HS6ST2: variants seen among roughly 807,000 people sequenced by gnomAD.
HS6ST2 encodes heparan-sulfate 6-O-sulfotransferase 2.
A neutral mutation model predicts 33.0 loss-of-function variants in HS6ST2; 17 were observed. That is an observed-to-expected ratio of 0.52 (90% CI 0.35 to 0.77). The LOEUF is 0.77. Among genes scored for constraint, HS6ST2 ranks in the 30% least tolerant of loss-of-function variants. HS6ST2 has a pLI of 0.01. For synonymous variants in HS6ST2, 248 were observed against 237.1 expected (o/e 1.05, Z -0.42); for missense variants, 519 against 551.7 (o/e 0.94, Z 0.59).
intron 2 of HS6ST2, among the ~76,000 whole-genome samples, chrX:132,801,245 G>A (rs896604481): frequency 9.1e-6 from 1 of 109,442 alleles, no homozygotes; most frequent in Non-Finnish European, 1.9e-5. Context: ...GCAGTGAGTC[G>A]AGATCGCGTC....
intron 2 of HS6ST2, among the ~76,000 whole-genome samples, chrX:132,811,623 C>T (rs966092510): frequency 3.2e-5 from 3 of 94,549 alleles, no homozygotes; most frequent in Admixed American, 1.2e-4. Flanking sequence ...TTCACCCATC[C>T]GTCACTTACC....
At chrX:132,810,092 A>G (rs1240107107) in intron 2 of HS6ST2, among the ~76,000 whole-genome samples, 1 of 111,684 alleles carries the variant, frequency 9.0e-6, no homozygotes, top group Admixed American at 9.5e-5. Context: ...TTCTGAAAAT[A>G]TTAAGGGATA....
At chrX:132,889,063 G>A (rs1339052583) in intron 2 of HS6ST2, among the ~76,000 whole-genome samples, 2 of 110,626 alleles carry the variant, frequency 1.8e-5, no homozygotes. Flanking sequence ...GCAGACCCAG[G>A]ATTTCAGCGT....
intron 2 of HS6ST2, among the ~76,000 whole-genome samples, chrX:132,727,234 A>AT (rs1233255197): frequency 3.5e-5 from 3 of 86,558 alleles, no homozygotes; most frequent in African/African-American, 1.4e-4. Context: ...TACTAGCATT[A>AT]TTGGGGGGGG....
chrX:132,861,354 T>C (rs189260591), intron 2 of HS6ST2, among the ~76,000 whole-genome samples: 10 of 112,209 alleles, frequency 8.9e-5, no homozygotes, highest in Admixed American at 3.8e-4. Context: ...CATTATTTAA[T>C]ATATGGCCTT....
chrX:132,715,204 G>A, intron 2 of HS6ST2, among the ~76,000 whole-genome samples: 1 of 111,566 alleles, frequency 9.0e-6, no homozygotes, highest in Non-Finnish European at 1.9e-5. Context: ...GGAAGCCAAG[G>A]TGGGAGGAAC....
At chrX:132,862,575 C>T (rs944294555) in intron 2 of HS6ST2, among the ~76,000 whole-genome samples, 1 of 112,387 alleles carries the variant, frequency 8.9e-6, no homozygotes, top group African/African-American at 3.2e-5. Flanking sequence ...ACTGGCCACA[C>T]TAGCTATTTA....
Position 132,956,856 on chromosome X carries a change from A to T in HS6ST2, c.899T>A (p.Val300Glu). The change falls in exon 2 of 5, where the codon GTG (valine) becomes GAG (glutamate). Residue 300 changes from valine (V) to glutamate (E), a missense_variant. Physicochemically the swap from Val to Glu is moderately radical, Grantham distance 121. Transcript: ENST00000370833. ...HADWTELTSC[V>E]PSVVDGKRDA... ...GCGCTTGCCGTCCACCACGGAGGGC[A>T]CACAGCTGGTGAGCTCGGTCCAGTC... is the stretch of plus-strand genomic sequence containing the variant. 1 of 1,184,906 alleles carries T rather than the reference A, an allele frequency of 8.4e-7. No individual in the cohort carries two copies. The highest frequency in any genetic ancestry group is 1.1e-6 in the Non-Finnish European group (1 of 881,835).
At chrX:132,821,195 C>A (rs1367216900) in intron 2 of HS6ST2, among the ~76,000 whole-genome samples, 1 of 102,077 alleles carries the variant, frequency 9.8e-6, no homozygotes, top group East Asian at 3.0e-4. Flanking sequence ...ATAGTTCCTG[C>A]TTCCCATTCC....
At chrX:132,729,326 G>A (rs2064432038) in intron 2 of HS6ST2, among the ~76,000 whole-genome samples, 1 of 111,873 alleles carries the variant, frequency 8.9e-6, no homozygotes, top group Non-Finnish European at 1.9e-5. Flanking sequence ...AAATAAAGAG[G>A]GGATACAGTG....
intron 3 of HS6ST2, among the ~76,000 whole-genome samples, chrX:132,680,066 C>T (rs945357557): frequency 4.7e-5 from 5 of 105,618 alleles, no homozygotes; most frequent in East Asian, 2.9e-4. Flanking sequence ...CCTCGGCTTA[C>T]GAGATGACGA....
At chrX:132,851,575 A>C (rs1268025127) in intron 2 of HS6ST2, among the ~76,000 whole-genome samples, 1 of 112,602 alleles carries the variant, frequency 8.9e-6, no homozygotes, top group Non-Finnish European at 1.9e-5. Context: ...TAATGTGGGC[A>C]ATGGAAACAA....
chrX:132,651,525 G>A (rs1178971707), intron 4 of HS6ST2, among the ~76,000 whole-genome samples: 1 of 112,268 alleles, frequency 8.9e-6, no homozygotes, highest in Admixed American at 9.5e-5. Flanking sequence ...GGCTTTGGAA[G>A]TCATCTCAAA....
intron 4 of HS6ST2, among the ~76,000 whole-genome samples, chrX:132,632,386 G>A (rs2063524390): frequency 1.8e-5 from 2 of 111,514 alleles, no homozygotes; most frequent in African/African-American, 6.5e-5. Context: ...AAGTAGGAAG[G>A]CAGGTAAAGA....
chrX:132,791,410 C>T (rs1230335912), intron 2 of HS6ST2, among the ~76,000 whole-genome samples: 3 of 111,869 alleles, frequency 2.7e-5, no homozygotes, highest in African/African-American at 9.7e-5. Context: ...GACTTTCCAG[C>T]ATGGACCTCC....
chrX:132,802,609 G>A (rs191673831), intron 2 of HS6ST2, among the ~76,000 whole-genome samples: 46 of 110,916 alleles, frequency 4.1e-4, no homozygotes, highest in Admixed American at 3.3e-3. Flanking sequence ...GGGAGCTAAC[G>A]AATATTTGAA....
chrX:132,920,994 G>T (rs1160177770), intron 2 of HS6ST2, among the ~76,000 whole-genome samples: 4 of 112,733 alleles, frequency 3.5e-5, no homozygotes, highest in Non-Finnish European at 7.5e-5. Context: ...GTATTTGAGA[G>T]ATATCATCTT....
chrX:132,709,841 A>ACACACACACACAC (rs1569482883), intron 2 of HS6ST2, among the ~76,000 whole-genome samples: 3 of 109,873 alleles, frequency 2.7e-5, no homozygotes, highest in Admixed American at 9.8e-5. Context: ...ACACACACAC[A>ACACACACACACAC]AGAAAATATT....
chrX:132,902,497 T>C (rs1220582500), intron 2 of HS6ST2, among the ~76,000 whole-genome samples: 1 of 111,939 alleles, frequency 8.9e-6, no homozygotes, highest in Admixed American at 9.5e-5. Flanking sequence ...ACATCAGAAT[T>C]GGTACAGGAG....
Sources: gnomAD v4.1 joint callset for allele counts (sites outside exome capture counted in the v4.1 genomes callset) on GRCh38, gnomAD v4.1.1 for gene constraint, MANE v1.5 for transcripts, NCBI Gene and HGNC (gene_info 2026-07-23, HGNC 2026-07-21) for gene names.